The following AGK variants were observed in gnomAD, a reference collection of about 807,000 sequenced individuals.
AGK encodes the protein acylglycerol kinase, mitochondrial.
AGK carries 52 observed loss-of-function variants against 66.4 expected under a neutral mutation model. The observed-to-expected ratio is 0.78, with a 90% confidence interval of 0.63 to 0.99. The LOEUF (loss-of-function observed/expected upper bound fraction) is 0.99. Among genes scored for constraint, AGK ranks in the 50% least tolerant of loss-of-function variants. The pLI is 0.00. For synonymous variants in AGK, 182 were observed against 181.1 expected (o/e 1.00, Z -0.04); for missense variants, 451 against 506.6 (o/e 0.89, Z 1.05).
intron 2 of AGK, among the ~76,000 whole-genome samples, chr7:141,569,647 C>T (rs1795555290): frequency 6.6e-6 from 1 of 152,224 alleles, no homozygotes; most frequent in Non-Finnish European, 1.5e-5. Flanking sequence ...TTCCTTATAA[C>T]TCTATGAGAT....
chr7:141,601,065 A>C, intron 4 of AGK, 140 bp from the exon 5 acceptor site: 1 of 585,050 alleles, frequency 1.7e-6, no homozygotes, highest in Non-Finnish European at 2.9e-6. Context: ...CTTGTTGTTA[A>C]ACTTTCTGTG....
intron 13 of AGK, 91 bp downstream of exon 13, chr7:141,641,999 T>C (rs1461998057): frequency 8.7e-7 from 1 of 1,155,616 alleles, no homozygotes; most frequent in Non-Finnish European, 1.3e-6. Context: ...TTATTTTTAT[T>C]TTTACCCTGT....
At chr7:141,590,125 GA>G (rs1420270706) in intron 2 of AGK, among the ~76,000 whole-genome samples, 2 of 152,160 alleles carry the variant, frequency 1.3e-5, no homozygotes, top group African/African-American at 2.4e-5. Context: ...AGAACTTAGG[GA>G]AAAAAATGAT....
Position 141,607,303 on chromosome 7 carries a change from C to T in AGK, c.298-3892C>T, listed in dbSNP as rs115681003. On this transcript the variant is annotated intron_variant, in intron 5 of 15. Transcript: ENST00000649286. ...TAGAGTTCCTCTTGTTCCATATCCT[C>T]GTCAGTCTTTGCTATTGTCAGTGTT... Among the ~76,000 whole-genome samples the T allele has an allele frequency of 3.4e-3, 519 of 152,178 alleles. 2 individuals carry two copies. Among genetic ancestry groups the T allele is most frequent in the African/African-American group, 9.7e-3 (403 of 41,530 alleles).
intron 11 of AGK, among the ~76,000 whole-genome samples, chr7:141,638,118 A>G (rs1797212772): frequency 6.6e-6 from 1 of 152,228 alleles, no homozygotes; most frequent in South Asian, 2.1e-4. Context: ...AAGTCAAATG[A>G]GACAGGTTTC....
At chr7:141,651,688 C>A (rs1249570578) in intron 15 of AGK, 79 bp downstream of exon 15, 16 of 1,333,758 alleles carry the variant, frequency 1.2e-5, no homozygotes, top group Non-Finnish European at 1.5e-5. Flanking sequence ...TCCCATCCTT[C>A]CTCTCTGTTA....
At chr7:141,572,211 T>C (rs947292003) in intron 2 of AGK, among the ~76,000 whole-genome samples, 3 of 152,198 alleles carry the variant, frequency 2.0e-5, no homozygotes, top group African/African-American at 7.2e-5. Flanking sequence ...ATTCAAGAAG[T>C]TTCATGCAGC....
intron 8 of AGK, among the ~76,000 whole-genome samples, chr7:141,621,226 A>G (rs1342841220): frequency 6.6e-6 from 1 of 152,210 alleles, no homozygotes; most frequent in East Asian, 1.9e-4. Context: ...TGTTCAAAAG[A>G]ATCAGCAATT....
intron 2 of AGK, among the ~76,000 whole-genome samples, chr7:141,583,983 C>T (rs533007532): frequency 6.6e-6 from 1 of 152,010 alleles, no homozygotes; most frequent in Non-Finnish European, 1.5e-5. Flanking sequence ...GAGCAAAGAG[C>T]AGGAGGACGG....
intron 9 of AGK, among the ~76,000 whole-genome samples, chr7:141,622,208 A>G (rs1347758506): frequency 6.6e-6 from 1 of 151,900 alleles, no homozygotes; most frequent in Admixed American, 6.6e-5. Context: ...CTCCTGCCTC[A>G]GCCTCCCAAG....
At position 141,569,827 on chromosome 7, in the gene AGK, A is replaced by T. The variant is rs140012585; in HGVS notation, c.101+14260A>T. ...CTCAAAATGGCCACTGTGTCTTAGG[A>T]GCGTGAGAGAGATGAAGAACTGTAA... is the stretch of plus-strand genomic sequence containing the variant. On this transcript the variant is annotated intron_variant, in intron 2 of 15. Coordinates refer to ENST00000649286, the MANE Select transcript of AGK (RefSeq NM_018238.4). Among the ~76,000 whole-genome samples, 222 of 152,182 alleles carry T rather than the reference A, an allele frequency of 1.5e-3. 4 individuals are homozygous for T. Among genetic ancestry groups the T allele is most frequent in the Admixed American group, 0.012 (181 of 15,252 alleles).
chr7:141,630,762 A>G (rs1797038485), intron 9 of AGK, among the ~76,000 whole-genome samples: 1 of 152,156 alleles, frequency 6.6e-6, no homozygotes, highest in Non-Finnish European at 1.5e-5. Flanking sequence ...CAATTTTTAG[A>G]TTCAGTTCTA....
chr7:141,605,102 C>T (rs1384039858), intron 5 of AGK, among the ~76,000 whole-genome samples: 1 of 151,860 alleles, frequency 6.6e-6, no homozygotes, highest in Non-Finnish European at 1.5e-5. Flanking sequence ...TATGACAGTC[C>T]TGTGAATTCT....
At chr7:141,564,240 A>G (rs1795415368) in intron 2 of AGK, among the ~76,000 whole-genome samples, 1 of 152,118 alleles carries the variant, frequency 6.6e-6, no homozygotes, top group Non-Finnish European at 1.5e-5. Context: ...CTTCTTGACC[A>G]CTGTATTAGT....
At chr7:141,623,291 A>G (rs1796863192) in intron 9 of AGK, among the ~76,000 whole-genome samples, 1 of 151,874 alleles carries the variant, frequency 6.6e-6, no homozygotes, top group African/African-American at 2.4e-5. Context: ...AGGCAGGAGA[A>G]TCACTTGAAC....
intron 2 of AGK, among the ~76,000 whole-genome samples, chr7:141,579,386 G>A (rs900564372): frequency 6.6e-6 from 1 of 151,948 alleles, no homozygotes; most frequent in Non-Finnish European, 1.5e-5. Context: ...AGGCCGGTCT[G>A]TTATTGGACT....
intron 1 of AGK, among the ~76,000 whole-genome samples, chr7:141,552,989 C>T (rs1285538779): frequency 6.6e-6 from 1 of 152,120 alleles, no homozygotes; most frequent in Non-Finnish European, 1.5e-5. Context: ...CCTTTGTACA[C>T]TCTCAGTTTG....
chr7:141,629,393 C>G (rs560803665), intron 9 of AGK, among the ~76,000 whole-genome samples: 3 of 152,144 alleles, frequency 2.0e-5, no homozygotes, highest in East Asian at 3.9e-4. Context: ...CTTTCTTTTT[C>G]TTTTTGTTTT....
At chr7:141,568,678 T>C (rs1301656737) in intron 2 of AGK, among the ~76,000 whole-genome samples, 1 of 151,968 alleles carries the variant, frequency 6.6e-6, no homozygotes, top group Non-Finnish European at 1.5e-5. Flanking sequence ...TTCAAGCAAT[T>C]CTCTTGCCTC....
Sources: allele counts gnomAD v4.1 joint callset (sites outside exome capture counted in the v4.1 genomes callset), GRCh38; gene constraint gnomAD v4.1.1; transcripts MANE v1.5; gene names NCBI Gene and HGNC (gene_info 2026-07-23, HGNC 2026-07-21).